The following SLC28A3 variants were observed in gnomAD, a reference collection of about 807,000 sequenced individuals.
SLC28A3 encodes the protein concentrative Na(+)-nucleoside cotransporter 3.
A neutral mutation model predicts 84.2 loss-of-function variants in SLC28A3; 68 were observed. The observed-to-expected ratio is 0.81, with a 90% CI of 0.66 to 0.99. The LOEUF is 0.99. Ranked by LOEUF, SLC28A3 falls within the 50% of genes least tolerant of loss-of-function variation. The probability of loss-of-function intolerance (pLI) is 0.00; values close to 1 mark genes in which losing one functional copy is unlikely to be tolerated. For missense variants in SLC28A3, 712 were observed against 841.5 expected (o/e 0.85, Z 1.90); for synonymous variants, 267 against 303.6 (o/e 0.88, Z 1.25).
intron 1 of SLC28A3, among the ~76,000 whole-genome samples, chr9:84,317,200 G>A (rs1416686337): frequency 1.3e-5 from 2 of 152,178 alleles, no homozygotes; most frequent in Non-Finnish European, 2.9e-5. Flanking sequence ...ATAGAGGAGT[G>A]ATTCTTTGGG....
At chr9:84,294,443 C>T (rs1275905861) in intron 8 of SLC28A3, among the ~76,000 whole-genome samples, 168 bp from the exon 9 acceptor site, 1 of 152,204 alleles carries the variant, frequency 6.6e-6, no homozygotes, top group Admixed American at 6.5e-5. Flanking sequence ...GTCTTTTATT[C>T]TAATTTGTCA....
the SLC28A3 span, among the ~76,000 whole-genome samples, chr9:84,364,483 A>T: frequency 1.2e-4 from 19 of 152,276 alleles, no homozygotes; most frequent in South Asian, 4.2e-4. Context: ...TTCACCTCCC[A>T]AAGTGTTGGG....
upstream of SLC28A3, among the ~76,000 whole-genome samples, chr9:84,345,309 T>G (rs771067127): frequency 4.0e-5 from 6 of 151,858 alleles, no homozygotes; most frequent in Admixed American, 2.6e-4. Context: ...TTTGGGAAAC[T>G]TTCCTTGAGA....
chr9:84,331,502 A>C (rs4877847), intron 1 of SLC28A3, among the ~76,000 whole-genome samples: 80,037 of 151,868 alleles, frequency 0.53, 21,265 homozygotes, highest in Middle Eastern at 0.6. Context: ...CAAATTGTAA[A>C]CTCCATTTAA....
chr9:84,324,706 C>T (rs1170163764), intron 1 of SLC28A3, among the ~76,000 whole-genome samples: 1 of 151,892 alleles, frequency 6.6e-6, no homozygotes, highest in African/African-American at 2.4e-5. Context: ...GATTGAAAGG[C>T]AGGGAAACTG....
chr9:84,283,256 C>T (rs1326413706), intron 14 of SLC28A3, among the ~76,000 whole-genome samples: 1 of 152,218 alleles, frequency 6.6e-6, no homozygotes, highest in African/African-American at 2.4e-5. Context: ...AAGAGATGCA[C>T]CGTACTAGAA....
At chr9:84,312,527 G>C (rs967524614) in intron 2 of SLC28A3, among the ~76,000 whole-genome samples, 1 of 150,328 alleles carries the variant, frequency 6.7e-6, no homozygotes, top group Non-Finnish European at 1.5e-5. Flanking sequence ...ACACACTAGT[G>C]GGCACCCCAA....
At chr9:84,368,147 C>G in the SLC28A3 span, among the ~76,000 whole-genome samples, 1 of 152,130 alleles carries the variant, frequency 6.6e-6, no homozygotes, top group Non-Finnish European at 1.5e-5. Flanking sequence ...TGGCTTTCCA[C>G]AGTGCATCGT....
At position 84,280,802 on chromosome 9, in the gene SLC28A3, G is replaced by A. The variant is rs201219440; in HGVS notation, c.1728C>T (p.Leu576=). ...IGSLGIVIGG[L]TSMAPSRKRD... ...TTGAAGAATGTTCTTTTCACTTACT[G>A]AGTCCGCCGATCACGATTCCTAGGG... The change falls in exon 15 of 18, where the codon CTC becomes CTT. Residue 576 remains leucine (L), a splice_region_variant and synonymous_variant. Coordinates refer to ENST00000376238, the MANE Select transcript of SLC28A3 (RefSeq NM_001199633.2). 1.1e-5 allele frequency: 17 copies of A among 1,613,920 alleles called. No individual in the cohort carries two copies. In the East Asian group the frequency reaches 3.6e-4, roughly 34 times the overall value.
At position 84,297,267 on chromosome 9, in the gene SLC28A3, G is replaced by A; in HGVS notation, c.815C>T (p.Ser272Leu). 6.2e-7 allele frequency: 1 copy of A among 1,613,462 alleles called. No individual in the cohort carries two copies. The highest frequency in any genetic ancestry group is 8.5e-7 in the Non-Finnish European group (1 of 1,179,836). Residue 272 changes from serine (S) to leucine (L), a missense_variant, in exon 8 of 18, where the codon TCA becomes TTA. By Grantham distance (145) the Ser-to-Leu change is moderately radical. Coordinates refer to ENST00000376238, the MANE Select transcript of SLC28A3 (RefSeq NM_001199633.2). ...TFLEYTDAGASFVFGEKYKDH... is the reference protein window; with the variant it reads ...TFLEYTDAGALFVFGEKYKDH... ...TTTGTATTTCTCACCAAAGACAAAT[G>A]AAGCACCAGCATCTGTGTACTCCAG...
At chr9:84,306,417 T>C (rs1825792251) in intron 3 of SLC28A3, among the ~76,000 whole-genome samples, 1 of 152,220 alleles carries the variant, frequency 6.6e-6, no homozygotes, top group South Asian at 2.1e-4. Context: ...GCTCAAGCTT[T>C]TGACTTCTAA....
intron 14 of SLC28A3, among the ~76,000 whole-genome samples, chr9:84,283,532 G>A (rs1217982341): frequency 2.6e-5 from 4 of 152,242 alleles, no homozygotes; most frequent in African/African-American, 9.6e-5. Flanking sequence ...CCAGGGAGAA[G>A]AGGTCCAGAG....
chr9:84,281,000 A>T, intron 14 of SLC28A3, 118 bp from the exon 15 acceptor site: 4 of 894,576 alleles, frequency 4.5e-6, no homozygotes, highest in Non-Finnish European at 7.0e-6. Context: ...TGCACAGTCC[A>T]TGGTATCAAA....
intron 10 of SLC28A3, among the ~76,000 whole-genome samples, chr9:84,291,895 C>T (rs1825236985): frequency 6.6e-6 from 1 of 152,166 alleles, no homozygotes; most frequent in Admixed American, 6.5e-5. Context: ...TCTTACTGAT[C>T]CACCCCTTAG....
At chr9:84,362,665 A>G in the SLC28A3 span, among the ~76,000 whole-genome samples, 1,095 of 86,088 alleles carry the variant, frequency 0.013, 16 homozygotes, top group African/African-American at 0.028. Flanking sequence ...AAGTTAATAA[A>G]TAAATAAATA....
At chr9:84,362,151 G>A in the SLC28A3 span, among the ~76,000 whole-genome samples, 1 of 152,148 alleles carries the variant, frequency 6.6e-6, no homozygotes, top group Non-Finnish European at 1.5e-5. Flanking sequence ...AAAGTGGAAT[G>A]CAGTAACTTG....
At chr9:84,365,572 G>A in the SLC28A3 span, among the ~76,000 whole-genome samples, 23 of 152,098 alleles carry the variant, frequency 1.5e-4, no homozygotes, top group African/African-American at 4.8e-4. Context: ...AGAAATTTTC[G>A]CCCATAACAA....
the SLC28A3 span, among the ~76,000 whole-genome samples, chr9:84,348,970 C>A: frequency 6.7e-6 from 1 of 149,890 alleles, no homozygotes; most frequent in African/African-American, 2.5e-5. Flanking sequence ...TACAGTGGGG[C>A]GATCTCGGCT....
chr9:84,336,767 C>T (rs373846415), intron 1 of SLC28A3, among the ~76,000 whole-genome samples: 2 of 152,210 alleles, frequency 1.3e-5, no homozygotes, highest in South Asian at 4.1e-4. Context: ...CTGATGCCAG[C>T]CTGCCCCCTT....
Sources: gnomAD v4.1 joint callset for allele counts (sites outside exome capture counted in the v4.1 genomes callset) on GRCh38, gnomAD v4.1.1 for gene constraint, MANE v1.5 for transcripts, NCBI Gene and HGNC (gene_info 2026-07-23, HGNC 2026-07-21) for gene names.